The following LIN54 variants were observed in gnomAD, a reference collection of about 807,000 sequenced individuals.
The protein encoded by LIN54 is protein lin-54 homolog.
LIN54 carries 9 observed loss-of-function variants against 78.7 expected under a neutral mutation model. The observed-to-expected ratio is 0.11, with a 90% confidence interval of 0.07 to 0.20. The LOEUF is 0.20. Among genes scored for constraint, LIN54 ranks in the 10% least tolerant of loss-of-function variants. LIN54 has a pLI of 1.00. For synonymous variants in LIN54, 269 were observed against 318.4 expected, an observed-to-expected ratio of 0.84 and a Z score of 1.65; for missense variants, 573 against 889.9, an observed-to-expected ratio of 0.64 and a Z score of 4.53.
Position 82,970,540 on chromosome 4 carries a change from C to G in LIN54, c.809-71G>C. 2.2e-6 allele frequency: 3 copies of G among 1,353,588 alleles called. 1 individual carries two copies. The South Asian group carries it at 4.0e-5, about 18-fold the overall frequency. 83.8% of individuals were successfully genotyped at this position (1,353,588 alleles called of 1,614,324 possible). On this transcript the variant is annotated intron_variant, in intron 3 of 12. Transcript: ENST00000340417. ...GTATAAAAATTTATGTGATGATGCT[C>G]TACACTCACAAGGACTGCAGAATGT...
chr4:82,949,064 A>C (rs1169929149), intron 4 of LIN54, among the ~76,000 whole-genome samples: 1 of 152,030 alleles, frequency 6.6e-6, no homozygotes, highest in East Asian at 1.9e-4. Flanking sequence ...TGGTAGTTCT[A>C]TTTTCAATTT....
At chr4:83,009,994 GGTTA>G (rs1383140601) in intron 1 of LIN54, among the ~76,000 whole-genome samples, 3 of 152,120 alleles carry the variant, frequency 2.0e-5, no homozygotes, top group African/African-American at 4.8e-5. Context: ...GGGGCAAAGA[GGTTA>G]GTTACTCTAA....
chr4:82,957,110 C>A (rs1206014464), intron 4 of LIN54, among the ~76,000 whole-genome samples: 1 of 152,204 alleles, frequency 6.6e-6, no homozygotes, highest in East Asian at 1.9e-4. Context: ...AAATTGTATT[C>A]ATTACCACCA....
chr4:82,937,038 A>G (rs1722447583), intron 9 of LIN54, among the ~76,000 whole-genome samples, 189 bp downstream of exon 9: 1 of 150,400 alleles, frequency 6.6e-6, no homozygotes, highest in Non-Finnish European at 1.5e-5. Flanking sequence ...AGGACTCTAA[A>G]TATTTCTTTC....
In LIN54 at chr4:82,962,058, G is replaced by A. The variant is rs895640608; in HGVS notation, c.951+8269C>T. 3.9e-5 allele frequency among the ~76,000 whole-genome samples: 6 copies of A among 151,990 alleles called. No homozygotes were observed. The South Asian group carries it at 1.0e-3, about 26-fold the overall frequency. On this transcript the variant is annotated intron_variant, in intron 4 of 12. Transcript: ENST00000340417. ...TATTTACCCACCATAAGACTTTTAC[G>A]AATGGGAAAGAAAGAGCTCTCTAGG...
chr4:82,947,237 T>TATATATATATA (rs1560733573), intron 4 of LIN54, among the ~76,000 whole-genome samples: 1 of 22,952 alleles, frequency 4.4e-5, no homozygotes, highest in Admixed American at 5.0e-4. Context: ...ATATATATAT[T>TATATATATATA]TTTTTTTTTT....
Position 83,010,594 on chromosome 4 carries a change from T to C in LIN54, c.-143A>G. 8.2e-7 allele frequency: 1 copy of C among 1,224,808 alleles called. No homozygotes were observed. The allele number at this position is 1,224,808 out of a possible 1,614,324, so 75.9% of individuals were successfully genotyped here. A position where few individuals can be genotyped will look rare whatever the true frequency, so the allele number is the denominator to read the frequency against. On this transcript the variant is annotated 5_prime_UTR_variant, in exon 1 of 13. Transcript: ENST00000340417. ...TTGTTTTGCCCGTGCACGATAGCTC[T>C]GGCCAGCAGCTTCCTTTCCCAGTTT...
At chr4:82,995,602 T>C (rs1175932153) in intron 1 of LIN54, among the ~76,000 whole-genome samples, 1 of 148,910 alleles carries the variant, frequency 6.7e-6, no homozygotes, top group African/African-American at 2.5e-5. Context: ...TTCAAGCAAT[T>C]CTCCTGCCTC....
intron 1 of LIN54, among the ~76,000 whole-genome samples, chr4:82,992,452 C>T (rs1346311361): frequency 6.6e-6 from 1 of 152,050 alleles, no homozygotes; most frequent in Non-Finnish European, 1.5e-5. Context: ...GTCAAGATGG[C>T]TCACTTGTGG....
intron 3 of LIN54, among the ~76,000 whole-genome samples, chr4:82,970,790 G>A (rs1725578613): frequency 6.6e-6 from 1 of 152,192 alleles, no homozygotes; most frequent in South Asian, 2.1e-4. Flanking sequence ...GCTCCTGAAA[G>A]TCAGAACATG....
At chr4:82,983,554 T>C (rs1041691085) in intron 2 of LIN54, among the ~76,000 whole-genome samples, 1 of 152,156 alleles carries the variant, frequency 6.6e-6, no homozygotes. Flanking sequence ...CTACGAAAGT[T>C]TTCCATAACT....
chr4:83,010,112 A>G (rs1021876408), intron 1 of LIN54, among the ~76,000 whole-genome samples: 2 of 152,342 alleles, frequency 1.3e-5, no homozygotes, highest in Middle Eastern at 3.4e-3. Flanking sequence ...ACTAGGATCT[A>G]AGACACAGAT....
intron 1 of LIN54, among the ~76,000 whole-genome samples, chr4:82,996,986 G>C (rs1229805506): frequency 6.6e-6 from 1 of 151,974 alleles, no homozygotes; most frequent in Non-Finnish European, 1.5e-5. Flanking sequence ...ATCACAATCA[G>C]AAGTATCTTG....
chr4:82,952,585 C>T (rs921686004), intron 4 of LIN54, among the ~76,000 whole-genome samples: 1 of 152,098 alleles, frequency 6.6e-6, no homozygotes, highest in African/African-American at 2.4e-5. Flanking sequence ...ACCATATGAT[C>T]CAGCAATTCT....
chr4:82,998,009 A>AT (rs1728371845), intron 1 of LIN54, among the ~76,000 whole-genome samples: 1 of 63,774 alleles, frequency 1.6e-5, no homozygotes, highest in East Asian at 8.3e-4. Context: ...AAAAAAAATA[A>AT]TAATATATAT....
chr4:82,938,612 C>T (rs1722594485), intron 7 of LIN54, 108 bp from the exon 8 acceptor site: 1 of 651,670 alleles, frequency 1.5e-6, no homozygotes, highest in African/African-American at 1.8e-5. Context: ...ATAAGAAAAA[C>T]ACAATGGAGA....
At chr4:82,968,694 C>T (rs4693065) in intron 4 of LIN54, among the ~76,000 whole-genome samples, 65,282 of 151,952 alleles carry the variant, frequency 0.43, 16,888 homozygotes, top group Admixed American at 0.58. Flanking sequence ...CATTAGTTTT[C>T]TCAAGAGGTC....
chr4:83,000,128 A>C (rs1014341866), intron 1 of LIN54, among the ~76,000 whole-genome samples: 1 of 152,146 alleles, frequency 6.6e-6, no homozygotes, highest in Non-Finnish European at 1.5e-5. Context: ...TCCTGGGCTC[A>C]AGTGATCCTC....
At chr4:82,946,860 T>C (rs1335917883) in intron 4 of LIN54, among the ~76,000 whole-genome samples, 3 of 152,130 alleles carry the variant, frequency 2.0e-5, no homozygotes, top group Admixed American at 2.0e-4. Context: ...ATATAGATGG[T>C]TGGCATTATT....
Sources: allele counts gnomAD v4.1 joint callset (sites outside exome capture counted in the v4.1 genomes callset), GRCh38; gene constraint gnomAD v4.1.1; transcripts MANE v1.5; gene names NCBI Gene and HGNC (gene_info 2026-07-23, HGNC 2026-07-21).